RNF150: variants seen among roughly 807,000 people sequenced by gnomAD.
RNF150 encodes the protein ring finger protein 150.
Under a neutral mutation model 39.3 loss-of-function variants are expected in RNF150, and 24 were observed. The observed-to-expected ratio is 0.61, with a 90% CI of 0.44 to 0.86. The LOEUF (loss-of-function observed/expected upper bound fraction) is 0.86. Ranked by LOEUF, RNF150 falls within the 40% of genes least tolerant of loss-of-function variation. The pLI is 0.00. For missense variants in RNF150, 502 were observed against 587.8 expected (o/e 0.85, Z 1.51); for synonymous variants, 255 against 227.3 (o/e 1.12, Z -1.10).
At chr4:141,182,950 C>T (rs1727937327) in intron 1 of RNF150, among the ~76,000 whole-genome samples, 1 of 151,708 alleles carries the variant, frequency 6.6e-6, no homozygotes. Context: ...GCTACAGTAA[C>T]CAAAACAGCC....
intron 1 of RNF150, among the ~76,000 whole-genome samples, chr4:141,168,676 C>T (rs965578083): frequency 2.0e-5 from 3 of 152,134 alleles, no homozygotes; most frequent in Admixed American, 2.0e-4. Flanking sequence ...TCATCATTCT[C>T]AGTAAACTAA....
At chr4:141,088,731 GA>G (rs1480531841) in intron 1 of RNF150, among the ~76,000 whole-genome samples, 6 of 151,672 alleles carry the variant, frequency 4.0e-5, no homozygotes, top group Non-Finnish European at 8.8e-5. Context: ...TAGAGGAAGA[GA>G]GGGGAGGAAG....
intron 1 of RNF150, among the ~76,000 whole-genome samples, chr4:141,035,227 G>A (rs903229348): frequency 6.6e-6 from 1 of 152,116 alleles, no homozygotes; most frequent in East Asian, 1.9e-4. Context: ...TTAAAATTAG[G>A]TTGTTCCTTC....
At chr4:141,126,110 A>ACACACG (rs1726747173) in intron 1 of RNF150, among the ~76,000 whole-genome samples, 1 of 151,892 alleles carries the variant, frequency 6.6e-6, no homozygotes, top group Non-Finnish European at 1.5e-5. Context: ...ACACACACAC[A>ACACACG]CACATGCATA....
At chr4:141,047,796 A>T (rs187432331) in intron 1 of RNF150, among the ~76,000 whole-genome samples, 3 of 152,202 alleles carry the variant, frequency 2.0e-5, no homozygotes, top group African/African-American at 7.2e-5. Context: ...TTTTAAAATT[A>T]TATATATATT....
At chr4:140,890,791 T>C (rs1729730005) in intron 6 of RNF150, among the ~76,000 whole-genome samples, 1 of 152,222 alleles carries the variant, frequency 6.6e-6, no homozygotes, top group South Asian at 2.1e-4. Context: ...ACTAATACAA[T>C]GTATCTTTTA....
chr4:140,930,198 AG>A (rs1731573795), intron 4 of RNF150, among the ~76,000 whole-genome samples: 1 of 152,180 alleles, frequency 6.6e-6, no homozygotes, highest in African/African-American at 2.4e-5. Flanking sequence ...AACAACCCTG[AG>A]GCTTCTCTGA....
At chr4:141,008,261 T>A (rs577918125) in intron 1 of RNF150, among the ~76,000 whole-genome samples, 1 of 152,338 alleles carries the variant, frequency 6.6e-6, no homozygotes, top group South Asian at 2.1e-4. Flanking sequence ...GCCTAAGTCA[T>A]TTGTTAATTT....
intron 5 of RNF150, among the ~76,000 whole-genome samples, chr4:140,924,306 TA>T (rs1469694617): frequency 6.6e-6 from 1 of 152,134 alleles, no homozygotes; most frequent in Non-Finnish European, 1.5e-5. Flanking sequence ...ATAATTCTTC[TA>T]AAAATAATTA....
At chr4:140,922,121 C>T (rs1246971085) in intron 5 of RNF150, among the ~76,000 whole-genome samples, 1 of 151,936 alleles carries the variant, frequency 6.6e-6, no homozygotes, top group Non-Finnish European at 1.5e-5. Context: ...CTGGCCAGGG[C>T]ATTCAGGCAG....
intron 1 of RNF150, among the ~76,000 whole-genome samples, chr4:141,142,166 T>C (rs1488349498): frequency 2.0e-5 from 3 of 152,090 alleles, no homozygotes; most frequent in Non-Finnish European, 4.4e-5. Flanking sequence ...CACACCAGAT[T>C]TTCTTTAGAA....
At chr4:140,910,785 C>T (rs1471641748) in intron 6 of RNF150, among the ~76,000 whole-genome samples, 3 of 152,208 alleles carry the variant, frequency 2.0e-5, no homozygotes, top group Non-Finnish European at 4.4e-5. Flanking sequence ...TCCTGCTGAG[C>T]ACCCCTTGTA....
chr4:140,986,972 C>T (rs1734035315), intron 1 of RNF150, among the ~76,000 whole-genome samples: 1 of 151,998 alleles, frequency 6.6e-6, no homozygotes, highest in Admixed American at 6.6e-5. Flanking sequence ...TTTCTATACA[C>T]CAATACCGTT....
At chr4:141,024,806 A>T (rs1434961480) in intron 1 of RNF150, among the ~76,000 whole-genome samples, 2 of 152,088 alleles carry the variant, frequency 1.3e-5, no homozygotes, top group African/African-American at 4.8e-5. Flanking sequence ...AAGATATAAG[A>T]TTTGATTGGC....
At chr4:141,195,526 T>C (rs557853673) in intron 1 of RNF150, among the ~76,000 whole-genome samples, 22 of 152,192 alleles carry the variant, frequency 1.4e-4, no homozygotes, top group Non-Finnish European at 3.1e-4. Flanking sequence ...CTTCAGTGAC[T>C]GGTGGAGGTG....
intron 1 of RNF150, among the ~76,000 whole-genome samples, chr4:141,082,834 C>T (rs989697873): frequency 1.2e-4 from 18 of 152,050 alleles, no homozygotes; most frequent in Admixed American, 4.6e-4. Flanking sequence ...GTGATCCGCC[C>T]GCCTCGGCCT....
At chr4:141,095,923 T>A (rs1738755864) in intron 1 of RNF150, among the ~76,000 whole-genome samples, 1 of 126,412 alleles carries the variant, frequency 7.9e-6, no homozygotes, top group Admixed American at 8.2e-5. Context: ...GTCTTTAAAC[T>A]TCACATGTTA....
intron 1 of RNF150, among the ~76,000 whole-genome samples, chr4:140,995,498 C>T (rs565685063): frequency 5.3e-5 from 8 of 152,100 alleles, no homozygotes; most frequent in Non-Finnish European, 1.2e-4. Context: ...CCATAGAAAG[C>T]GGCAGTAAAT....
intron 6 of RNF150, among the ~76,000 whole-genome samples, chr4:140,877,154 T>C (rs926255431): frequency 2.6e-5 from 4 of 152,232 alleles, no homozygotes; most frequent in African/African-American, 9.6e-5. Context: ...GGAAAGATTT[T>C]CTCCAACTGC....
Sources: gnomAD v4.1 joint callset for allele counts (sites outside exome capture counted in the v4.1 genomes callset) on GRCh38, gnomAD v4.1.1 for gene constraint, MANE v1.5 for transcripts, NCBI Gene and HGNC (gene_info 2026-07-23, HGNC 2026-07-21) for gene names.